Variants in GAS2 observed in about 807,000 individuals in gnomAD.
GAS2 encodes the protein growth arrest specific 2.
Under a neutral mutation model 37.5 loss-of-function variants are expected in GAS2, and 20 were observed. That is an observed-to-expected ratio of 0.53 (90% confidence interval 0.37 to 0.77). The LOEUF (loss-of-function observed/expected upper bound fraction) is 0.77. Among genes scored for constraint, GAS2 ranks in the 30% least tolerant of loss-of-function variants. GAS2 has a pLI of 0.00. For synonymous variants in GAS2, 144 were observed against 132.2 expected (o/e 1.09, Z -0.61); for missense variants, 336 against 373.4 (o/e 0.90, Z 0.82).
At chr11:22,712,316 C>A (rs377134714) in intron 3 of GAS2, among the ~76,000 whole-genome samples, 2 of 152,160 alleles carry the variant, frequency 1.3e-5, no homozygotes, top group Admixed American at 6.5e-5. Flanking sequence ...CTGCCATCTC[C>A]GCCAGAGCAG....
chr11:22,770,021 A>G (rs1340136305), intron 7 of GAS2, among the ~76,000 whole-genome samples: 3 of 152,218 alleles, frequency 2.0e-5, no homozygotes, highest in African/African-American at 7.2e-5. Context: ...ACTGGAAGCC[A>G]TCATCCTCAG....
At chr11:22,653,108 C>T (rs889861295) in intron 1 of GAS2, among the ~76,000 whole-genome samples, 4 of 148,956 alleles carry the variant, frequency 2.7e-5, no homozygotes, top group Admixed American at 2.0e-4. Context: ...TTCTTTCCTC[C>T]CTTCCTTCCT....
chr11:22,695,943 A>T (rs543235072), intron 3 of GAS2, among the ~76,000 whole-genome samples: 1 of 151,944 alleles, frequency 6.6e-6, no homozygotes, highest in East Asian at 1.9e-4. Context: ...TGTTTTTTTA[A>T]ATTTTATTAT....
chr11:22,746,072 C>T (rs1194928269), intron 5 of GAS2, among the ~76,000 whole-genome samples: 3 of 152,142 alleles, frequency 2.0e-5, no homozygotes, highest in Non-Finnish European at 4.4e-5. Context: ...GTCCCAGCTA[C>T]TCAGAGGGCT....
At chr11:22,662,177 A>T (rs951293110), upstream of GAS2, among the ~76,000 whole-genome samples, 3 of 152,186 alleles carry the variant, frequency 2.0e-5, no homozygotes, top group Non-Finnish European at 4.4e-5. Flanking sequence ...AGTCCAAATG[A>T]ACCTAGGTTT....
At chr11:22,790,011 A>T (rs10766967) in intron 7 of GAS2, among the ~76,000 whole-genome samples, 45,242 of 152,060 alleles carry the variant, frequency 0.3, 7,875 homozygotes, top group Non-Finnish European at 0.39. Context: ...ATATTTGGTA[A>T]GCACATTTTC....
At chr11:22,725,588 G>A (rs1852161291) in intron 3 of GAS2, among the ~76,000 whole-genome samples, 1 of 151,912 alleles carries the variant, frequency 6.6e-6, no homozygotes, top group East Asian at 1.9e-4. Context: ...ACAATACCTG[G>A]CTAATTTTTA....
At chr11:22,797,261 CT>C (rs1159890912) in intron 7 of GAS2, among the ~76,000 whole-genome samples, 1 of 152,040 alleles carries the variant, frequency 6.6e-6, no homozygotes, top group Non-Finnish European at 1.5e-5. Context: ...TCATATGTCA[CT>C]TGCTTGCTGC....
intron 1 of GAS2, among the ~76,000 whole-genome samples, chr11:22,632,122 C>T (rs1031610912): frequency 6.6e-6 from 1 of 151,790 alleles, no homozygotes; most frequent in Non-Finnish European, 1.5e-5. Flanking sequence ...AGGTGTTCTT[C>T]GTAGTCTTGA....
At chr11:22,775,262 G>A (rs1437277124) in intron 7 of GAS2, among the ~76,000 whole-genome samples, 2 of 152,188 alleles carry the variant, frequency 1.3e-5, no homozygotes, top group Non-Finnish European at 2.9e-5. Context: ...AAAGTTGGAG[G>A]ACGAGCATTC....
chr11:22,643,137 G>C (rs1848649624), intron 1 of GAS2, among the ~76,000 whole-genome samples: 1 of 151,822 alleles, frequency 6.6e-6, no homozygotes, highest in Non-Finnish European at 1.5e-5. Context: ...CTCCAGCTTT[G>C]GGTTGGCTGG....
intron 1 of GAS2, among the ~76,000 whole-genome samples, chr11:22,634,590 T>C (rs1858795288): frequency 6.6e-6 from 1 of 152,106 alleles, no homozygotes; most frequent in African/African-American, 2.4e-5. Context: ...TGTGGTATAT[T>C]CCCACTTCCC....
At chr11:22,777,710 ATAATG>A (rs1473442036) in intron 7 of GAS2, among the ~76,000 whole-genome samples, 5 of 152,308 alleles carry the variant, frequency 3.3e-5, no homozygotes, top group African/African-American at 1.2e-4. Flanking sequence ...TCCAGCAGGA[ATAATG>A]TAAGAAAGGT....
intron 4 of GAS2, among the ~76,000 whole-genome samples, chr11:22,729,065 A>G (rs1852350419): frequency 1.3e-5 from 2 of 151,388 alleles, no homozygotes; most frequent in African/African-American, 4.9e-5. Flanking sequence ...ATTTCATTTC[A>G]GTGGCACAGA....
Position 22,726,413 on chromosome 11 carries a change from T to C in GAS2, c.389T>C (p.Leu130Pro), listed in dbSNP as rs1212947939. 2 of 1,612,000 alleles carry C rather than the reference T, an allele frequency of 1.2e-6. No homozygotes were observed. Among genetic ancestry groups the C allele is most frequent in the Non-Finnish European group, 1.7e-6 (2 of 1,179,048 alleles). The part of the protein sequence containing the change: ...CRDLGVDETC[L>P]FESEGLVLHK... Reference sequence around the variant, plus strand: ...GATTTAGGGGTGGATGAAACGTGTCTATTTGAATCGGAAGGTTTGGGTATG... The same window carrying C: ...GATTTAGGGGTGGATGAAACGTGTCCATTTGAATCGGAAGGTTTGGGTATG... The change falls in exon 4 of 8, where the codon CTA (leucine) becomes CCA (proline). Residue 130 changes from leucine (L) to proline (P), a missense_variant. Physicochemically the swap from Leu to Pro is moderately conservative, Grantham distance 98. Coordinates refer to ENST00000454584, the MANE Select transcript of GAS2 (RefSeq NM_001143830.3).
chr11:22,792,626 T>C (rs1856222401), intron 7 of GAS2, among the ~76,000 whole-genome samples: 1 of 152,198 alleles, frequency 6.6e-6, no homozygotes. Flanking sequence ...TAGTGATAAG[T>C]TCCTAGGGCA....
intron 7 of GAS2, among the ~76,000 whole-genome samples, chr11:22,756,638 G>T (rs1263788854): frequency 3.3e-5 from 5 of 151,954 alleles, no homozygotes; most frequent in African/African-American, 1.2e-4. Context: ...CTTTTTAAAG[G>T]CCCTGCAACA....
intron 3 of GAS2, among the ~76,000 whole-genome samples, chr11:22,705,732 T>C (rs1216465595): frequency 6.6e-6 from 1 of 152,230 alleles, no homozygotes; most frequent in East Asian, 1.9e-4. Flanking sequence ...GCTCACATGC[T>C]TCATGCCTTT....
intron 7 of GAS2, among the ~76,000 whole-genome samples, chr11:22,765,225 G>A (rs1854623520): frequency 6.6e-6 from 1 of 152,034 alleles, no homozygotes; most frequent in African/African-American, 2.4e-5. Flanking sequence ...ATATTATACA[G>A]ATAGACACAC....
Sources: gnomAD v4.1 joint callset for allele counts (sites outside exome capture counted in the v4.1 genomes callset) on GRCh38, gnomAD v4.1.1 for gene constraint, MANE v1.5 for transcripts, NCBI Gene and HGNC (gene_info 2026-07-23, HGNC 2026-07-21) for gene names.